The following TTC7B variants were observed in gnomAD, a reference collection of about 807,000 sequenced individuals.
TTC7B encodes tetratricopeptide repeat domain 7B.
A neutral mutation model predicts 106.8 loss-of-function variants in TTC7B; 28 were observed. The ratio of observed to expected loss-of-function variants is 0.26; its 90% CI spans 0.19 to 0.36. TTC7B has a LOEUF of 0.36. TTC7B is among the 10% of genes least tolerant of loss of function. The pLI is 1.00. For synonymous variants in TTC7B, 405 were observed against 430.6 expected, an observed-to-expected ratio of 0.94 and a Z score of 0.74; for missense variants, 862 against 1,076.4, an observed-to-expected ratio of 0.80 and a Z score of 2.79.
rs1475447257 is a variant in TTC7B, at chr14:90,816,095, GC to G, written c.121+79del. The stretch of plus-strand genomic sequence containing the variant: ...GGCCGCGCCCCTGCCCGCGCCCCGC[GC>G]CCGGCCGCGCCTCGGGGGCCCGTTC... On this transcript the variant is annotated intron_variant, in intron 1 of 19. Transcript: ENST00000328459. 3.5e-4 allele frequency: 345 copies of G among 974,714 alleles called. 1 individual carries two copies. The African/African-American group carries it at 6.0e-3, about 17-fold the overall frequency. The allele number at this position is 974,714 out of a possible 1,614,324, so 60.4% of individuals were successfully genotyped here.
intron 4 of TTC7B, 90 bp downstream of exon 4, chr14:90,744,702 G>T: frequency 7.2e-7 from 1 of 1,397,526 alleles, no homozygotes. Flanking sequence ...AGACAGACAA[G>T]TTGAAAGCTT....
intron 9 of TTC7B, among the ~76,000 whole-genome samples, chr14:90,671,169 C>T (rs1886618244): frequency 6.6e-6 from 1 of 152,126 alleles, no homozygotes; most frequent in Non-Finnish European, 1.5e-5. Flanking sequence ...GAACTTTAAA[C>T]AAATGGTGGG....
At chr14:90,789,287 G>A (rs1304284791) in intron 1 of TTC7B, among the ~76,000 whole-genome samples, 3 of 151,958 alleles carry the variant, frequency 2.0e-5, no homozygotes, top group Admixed American at 2.0e-4. Context: ...TAGTAGAGAC[G>A]GAGTTTCGCC....
At chr14:90,701,066 G>A (rs1887964579) in intron 5 of TTC7B, among the ~76,000 whole-genome samples, 1 of 151,790 alleles carries the variant, frequency 6.6e-6, no homozygotes, top group Non-Finnish European at 1.5e-5. Context: ...AGGGGCCAGG[G>A]ATCAAACCCA....
At position 90,650,116 on chromosome 14, in the gene TTC7B, T is replaced by C. The variant is rs148050295; in HGVS notation, c.1517+2725A>G. 4.1e-4 allele frequency among the ~76,000 whole-genome samples: 62 copies of C among 152,306 alleles called. 1 individual carries two copies. The highest frequency in any genetic ancestry group is 1.4e-3 in the African/African-American group (58 of 41,562). ...ATTCTCTAGAGCTGAACCAAGAATATAGAGAAGGCTGATCAATGCTGACCC... is the reference window on the plus strand; with the variant it reads ...ATTCTCTAGAGCTGAACCAAGAATACAGAGAAGGCTGATCAATGCTGACCC... On this transcript the variant is annotated intron_variant, in intron 13 of 19. Coordinates refer to ENST00000328459, the MANE Select transcript of TTC7B (RefSeq NM_001010854.2).
intron 1 of TTC7B, among the ~76,000 whole-genome samples, chr14:90,800,379 C>A (rs1398189280): frequency 6.6e-6 from 1 of 152,140 alleles, no homozygotes; most frequent in Non-Finnish European, 1.5e-5. Flanking sequence ...ATGTCCACAT[C>A]CTCATCTCTG....
intron 7 of TTC7B, among the ~76,000 whole-genome samples, chr14:90,689,097 C>A (rs754412766): frequency 3.3e-5 from 5 of 152,196 alleles, no homozygotes; most frequent in African/African-American, 4.8e-5. Flanking sequence ...ATATTAGATT[C>A]TCCTTCTTAT....
rs569749475 is a variant in TTC7B, at chr14:90,591,238, G to A, written c.2107+2248C>T. Among the ~76,000 whole-genome samples the A allele has an allele frequency of 3.3e-5, 5 of 152,288 alleles. No individual in the cohort carries two copies. The South Asian group carries it at 1.0e-3, about 32-fold the overall frequency. On this transcript the variant is annotated intron_variant, in intron 18 of 19. Coordinates refer to ENST00000328459, the MANE Select transcript of TTC7B (RefSeq NM_001010854.2). ...CACCTGTAATCCCAGCTATTTGGGA[G>A]GCTGAGGCAGGAGAATTGCTTGAAC...
intron 5 of TTC7B, among the ~76,000 whole-genome samples, chr14:90,727,018 G>A (rs1456333651): frequency 1.3e-5 from 2 of 152,022 alleles, no homozygotes; most frequent in African/African-American, 4.8e-5. Flanking sequence ...AGGAAGGGAG[G>A]AACTAGGAAG....
intron 8 of TTC7B, among the ~76,000 whole-genome samples, chr14:90,679,049 C>G (rs184927612): frequency 2.0e-5 from 3 of 152,250 alleles, no homozygotes; most frequent in Non-Finnish European, 4.4e-5. Flanking sequence ...CCTGTGGAGA[C>G]TCGTTCACTT....
At chr14:90,552,458 C>T (rs1329289657) in intron 19 of TTC7B, among the ~76,000 whole-genome samples, 4 of 152,320 alleles carry the variant, frequency 2.6e-5, no homozygotes, top group South Asian at 2.1e-4. Flanking sequence ...AGCAGGTGGC[C>T]GGAGCCTGCA....
intron 19 of TTC7B, among the ~76,000 whole-genome samples, chr14:90,565,788 A>G (rs12896347): frequency 0.39 from 59,785 of 151,766 alleles, 12,096 homozygotes; most frequent in Admixed American, 0.47. Flanking sequence ...GTTATTAATG[A>G]TCCTCATTTC....
At chr14:90,625,872 G>A (rs1884417504) in intron 15 of TTC7B, among the ~76,000 whole-genome samples, 1 of 152,120 alleles carries the variant, frequency 6.6e-6, no homozygotes, top group Non-Finnish European at 1.5e-5. Flanking sequence ...CTATTCATTG[G>A]GGTTCATTAG....
At chr14:90,798,201 C>G (rs1254514526) in intron 1 of TTC7B, among the ~76,000 whole-genome samples, 1 of 152,194 alleles carries the variant, frequency 6.6e-6, no homozygotes, top group Non-Finnish European at 1.5e-5. Flanking sequence ...GCTGTCTAGG[C>G]AAGACTCCAT....
At chr14:90,644,660 T>C (rs1183947555) in intron 14 of TTC7B, 1 of 154,130 alleles carries the variant, frequency 6.5e-6, no homozygotes, top group African/African-American at 2.4e-5. Context: ...TTTTTTCAAG[T>C]ATTACTGAAA....
chr14:90,762,342 C>T (rs1448338624), intron 3 of TTC7B, among the ~76,000 whole-genome samples: 1 of 152,208 alleles, frequency 6.6e-6, no homozygotes, highest in Non-Finnish European at 1.5e-5. Context: ...AAACCACTGA[C>T]TTGGGCACCT....
At chr14:90,641,934 CGTGTGTGTGT>C (rs145476335) in intron 15 of TTC7B, among the ~76,000 whole-genome samples, 10 of 146,996 alleles carry the variant, frequency 6.8e-5, no homozygotes, top group African/African-American at 1.3e-4. Flanking sequence ...TGTGTGTGTG[CGTGTGTGTGT>C]GTGTGTGTGT....
intron 3 of TTC7B, 131 bp downstream of exon 3, chr14:90,780,607 C>T (rs1030286040): frequency 3.4e-5 from 35 of 1,018,934 alleles, no homozygotes; most frequent in South Asian, 1.3e-4. Flanking sequence ...TGCTGCAGGG[C>T]GGCCCCAGCA....
intron 19 of TTC7B, among the ~76,000 whole-genome samples, chr14:90,556,230 T>C (rs1249224229): frequency 3.3e-5 from 5 of 152,052 alleles, no homozygotes; most frequent in Non-Finnish European, 7.4e-5. Flanking sequence ...TCCCCAGCAA[T>C]ATGTGGGGAT....
Sources: allele counts gnomAD v4.1 joint callset (sites outside exome capture counted in the v4.1 genomes callset), GRCh38; gene constraint gnomAD v4.1.1; transcripts MANE v1.5; gene names NCBI Gene and HGNC (gene_info 2026-07-23, HGNC 2026-07-21).